PREX1: variants seen among roughly 807,000 people sequenced by gnomAD.
PREX1 encodes the protein phosphatidylinositol-3,4,5-trisphosphate dependent Rac exchange factor 1.
Under a neutral mutation model 198.3 loss-of-function variants are expected in PREX1, and 41 were observed. The ratio of observed to expected loss-of-function variants is 0.21; its 90% CI spans 0.16 to 0.27. PREX1 has a LOEUF of 0.27. Among genes scored for constraint, PREX1 ranks in the 10% least tolerant of loss-of-function variants. The pLI, the probability that PREX1 is intolerant of heterozygous loss-of-function variation, is 1.00. For missense variants in PREX1, 1,620 were observed against 2,200.7 expected (o/e 0.74, Z 5.28); for synonymous variants, 843 against 887.2 (o/e 0.95, Z 0.89).
chr20:48,795,808 C>G (rs2090359877), intron 1 of PREX1, among the ~76,000 whole-genome samples: 1 of 152,138 alleles, frequency 6.6e-6, no homozygotes, highest in Non-Finnish European at 1.5e-5. Flanking sequence ...CTACGTTTAC[C>G]CTCAGGGACC....
At chr20:48,642,032 G>C (rs943892145) in intron 29 of PREX1, 136 bp downstream of exon 29, 22 of 841,554 alleles carry the variant, frequency 2.6e-5, no homozygotes, top group Non-Finnish European at 4.2e-5. Flanking sequence ...TGGCCCATGG[G>C]CTAAAATCGC....
chr20:48,645,708 C>A, intron 26 of PREX1, 143 bp downstream of exon 26: 1 of 964,064 alleles, frequency 1.0e-6, no homozygotes, highest in Admixed American at 2.4e-5. Flanking sequence ...GATAATCCCC[C>A]AGAACCACGC....
At chr20:48,878,228 C>T in the PREX1 span, among the ~76,000 whole-genome samples, 13 of 152,358 alleles carry the variant, frequency 8.5e-5, no homozygotes, top group African/African-American at 3.1e-4. Flanking sequence ...TCTGCTCCAG[C>T]CAGGCTGCTC....
chr20:48,828,227 G>GCGGGAGCCTCCGGAAGGGCCCCGCGGAGC (rs2090520987), upstream of PREX1, among the ~76,000 whole-genome samples: 2 of 151,456 alleles, frequency 1.3e-5, no homozygotes, highest in African/African-American at 2.4e-5. Flanking sequence ...CGGGGGTCGG[G>GCGGGAGCCTCCGGAAGGGCCCCGCGGAGC]CGGGAGCCTC....
chr20:48,650,405 A>G (rs929384517), intron 23 of PREX1, among the ~76,000 whole-genome samples, 199 bp from the exon 24 acceptor site: 3 of 152,234 alleles, frequency 2.0e-5, no homozygotes, highest in African/African-American at 7.2e-5. Flanking sequence ...GAGGAACCCA[A>G]GGCCTCGGGG....
the PREX1 span, among the ~76,000 whole-genome samples, chr20:48,839,060 C>T: frequency 6.9e-6 from 1 of 144,370 alleles, no homozygotes; most frequent in Admixed American, 7.0e-5. Flanking sequence ...GTAGTTACAT[C>T]TGGGGAGTGG....
At chr20:48,651,175 GC>G in intron 22 of PREX1, 120 bp from the exon 23 acceptor site, 1 of 1,340,698 alleles carries the variant, frequency 7.5e-7, no homozygotes, top group Non-Finnish European at 1.0e-6. Context: ...TGTGTTGCTG[GC>G]CCATATTGCA....
chr20:48,744,293 T>C (rs16994110), intron 3 of PREX1, among the ~76,000 whole-genome samples: 10,765 of 152,128 alleles, frequency 0.071, 474 homozygotes, highest in South Asian at 0.18. Flanking sequence ...CTCTACCCGA[T>C]TGCTTTACCT....
the PREX1 span, among the ~76,000 whole-genome samples, chr20:48,876,813 C>T: frequency 6.6e-6 from 1 of 152,136 alleles, no homozygotes; most frequent in African/African-American, 2.4e-5. Context: ...CTATTTCCAT[C>T]ACTTAACCAT....
chr20:48,745,625 A>G (rs1441259338), intron 2 of PREX1, among the ~76,000 whole-genome samples: 1 of 152,252 alleles, frequency 6.6e-6, no homozygotes, highest in Non-Finnish European at 1.5e-5. Flanking sequence ...GTAGAAGAAA[A>G]CACAATAAGG....
intron 1 of PREX1, among the ~76,000 whole-genome samples, chr20:48,798,163 C>T (rs2090371399): frequency 6.6e-6 from 1 of 152,202 alleles, no homozygotes; most frequent in African/African-American, 2.4e-5. Context: ...TCTCCACCTC[C>T]TCCAGGAAGC....
chr20:48,833,741 G>A, the PREX1 span, among the ~76,000 whole-genome samples: 31 of 152,144 alleles, frequency 2.0e-4, no homozygotes, highest in African/African-American at 6.5e-4. Flanking sequence ...GCGCCTGGCC[G>A]ACCCTATCCT....
chr20:48,721,598 G>A (rs950500167), intron 5 of PREX1, among the ~76,000 whole-genome samples: 6 of 152,246 alleles, frequency 3.9e-5, no homozygotes, highest in African/African-American at 9.6e-5. Flanking sequence ...GGGTGAGATC[G>A]GTAGGACACT....
chr20:48,626,860 C>T (rs904877323), intron 39 of PREX1, among the ~76,000 whole-genome samples: 13 of 152,128 alleles, frequency 8.5e-5, no homozygotes, highest in Non-Finnish European at 1.3e-4. Flanking sequence ...GGGCAGATGA[C>T]GACAGCAAAC....
chr20:48,645,085 A>C (rs1276585422), intron 26 of PREX1, among the ~76,000 whole-genome samples: 1 of 152,250 alleles, frequency 6.6e-6, no homozygotes, highest in East Asian at 1.9e-4. Context: ...AAAGTGCCGC[A>C]GCAGCCAGAT....
intron 8 of PREX1, 190 bp downstream of exon 8, chr20:48,692,482 G>C (rs770638738): frequency 1.2e-5 from 6 of 521,636 alleles, no homozygotes; most frequent in African/African-American, 1.9e-5. Flanking sequence ...TTGGGGTGCA[G>C]TGTTTTATTT....
intron 36 of PREX1, among the ~76,000 whole-genome samples, chr20:48,629,961 C>T (rs577667267): frequency 6.6e-6 from 1 of 152,266 alleles, no homozygotes; most frequent in East Asian, 1.9e-4. Flanking sequence ...ACACAAGCGC[C>T]CCCTCTCCAG....
At chr20:48,709,585 T>C (rs1398306059) in intron 5 of PREX1, among the ~76,000 whole-genome samples, 1 of 152,238 alleles carries the variant, frequency 6.6e-6, no homozygotes. Flanking sequence ...ATTAGACCAT[T>C]TAACAGATGG....
At chr20:48,648,686 G>A (rs917480213) in intron 25 of PREX1, among the ~76,000 whole-genome samples, 5 of 152,136 alleles carry the variant, frequency 3.3e-5, no homozygotes, top group African/African-American at 4.8e-5. Flanking sequence ...TGGCAGGTCC[G>A]TCTCTTGAGT....
Sources: allele counts gnomAD v4.1 joint callset (sites outside exome capture counted in the v4.1 genomes callset), GRCh38; gene constraint gnomAD v4.1.1; transcripts MANE v1.5; gene names NCBI Gene and HGNC (gene_info 2026-07-23, HGNC 2026-07-21).